Variants in ATRN observed in about 807,000 individuals in gnomAD.
ATRN encodes the protein attractin, also known as attractin-2.
A neutral mutation model predicts 178.7 loss-of-function variants in ATRN; 54 were observed. That is an observed-to-expected ratio of 0.30 (90% CI 0.24 to 0.38). The LOEUF is 0.38. Ranked by LOEUF, ATRN falls within the 10% of genes least tolerant of loss-of-function variation. The pLI is 1.00. For missense variants in ATRN, 1,443 were observed against 1,815.1 expected (o/e 0.79, Z 3.73); for synonymous variants, 636 against 663.0 (o/e 0.96, Z 0.63).
chr20:3,507,021 A>G (rs2085053862), intron 1 of ATRN, among the ~76,000 whole-genome samples: 1 of 152,150 alleles, frequency 6.6e-6, no homozygotes, highest in Non-Finnish European at 1.5e-5. Flanking sequence ...AGGTTGGTGC[A>G]AAAGTAAATG....
intron 1 of ATRN, among the ~76,000 whole-genome samples, chr20:3,478,264 G>A (rs2084557699): frequency 1.3e-5 from 2 of 152,044 alleles, no homozygotes; most frequent in Admixed American, 6.6e-5. Flanking sequence ...GTTTATTGCA[G>A]CACTATTCAC....
Position 3,604,266 on chromosome 20 carries a change from A to G in ATRN, c.3801+4A>G. ...CACCTGGCCCATCAAAATTCAGGTA[A>G]GAAGAGGCTTTTGGTCTCATACCTG... On this transcript the variant is annotated splice_donor_region_variant and intron_variant, in intron 24 of 28. Transcript: ENST00000262919. 1.3e-6 allele frequency: 2 copies of G among 1,592,084 alleles called. No individual in the cohort carries two copies. The highest frequency in any genetic ancestry group is 1.4e-5 in the African/African-American group (1 of 73,616).
chr20:3,583,652 C>T (rs2086310571), intron 16 of ATRN, among the ~76,000 whole-genome samples: 1 of 151,874 alleles, frequency 6.6e-6, no homozygotes, highest in Non-Finnish European at 1.5e-5. Context: ...ACTAAAAATA[C>T]AAAAAATTAG....
At chr20:3,485,014 A>AG (rs2084671291) in intron 1 of ATRN, among the ~76,000 whole-genome samples, 1 of 151,302 alleles carries the variant, frequency 6.6e-6, no homozygotes. Context: ...AGTCTGGTAA[A>AG]CTTATTCACC....
chr20:3,607,877 A>G (rs1309901809), intron 24 of ATRN, among the ~76,000 whole-genome samples: 1 of 152,144 alleles, frequency 6.6e-6, no homozygotes, highest in East Asian at 1.9e-4. Flanking sequence ...CCTCGCCAGC[A>G]TCTGTTATTT....
chr20:3,542,835 C>T (rs1262262041), intron 3 of ATRN, among the ~76,000 whole-genome samples: 1 of 146,780 alleles, frequency 6.8e-6, no homozygotes, highest in African/African-American at 2.5e-5. Context: ...GACGGGGTCT[C>T]ACCATGTTGC....
chr20:3,604,550 A>G (rs150350066), intron 24 of ATRN, among the ~76,000 whole-genome samples: 111 of 152,390 alleles, frequency 7.3e-4, no homozygotes, highest in African/African-American at 2.5e-3. Flanking sequence ...AGCATTTGCC[A>G]TGTGAAAGCC....
intron 1 of ATRN, among the ~76,000 whole-genome samples, chr20:3,485,599 ATT>A (rs372355255): frequency 0.017 from 1,438 of 84,562 alleles, 20 homozygotes; most frequent in African/African-American, 0.059. Flanking sequence ...TTGCCAATAC[ATT>A]TTTTTGAGGT....
intron 15 of ATRN, among the ~76,000 whole-genome samples, chr20:3,579,457 G>A (rs235545): frequency 0.75 from 114,397 of 152,080 alleles, 43,468 homozygotes; most frequent in East Asian, 1. Flanking sequence ...CCGCACTCCA[G>A]CCTGGGTGAC....
chr20:3,621,412 C>T (rs571775439), intron 24 of ATRN, among the ~76,000 whole-genome samples: 10 of 152,180 alleles, frequency 6.6e-5, no homozygotes, highest in Middle Eastern at 3.4e-3. Context: ...ACTGAGCTTC[C>T]GAGTTCAGAG....
intron 3 of ATRN, among the ~76,000 whole-genome samples, chr20:3,541,381 G>A (rs914815563): frequency 2.0e-5 from 3 of 149,676 alleles, no homozygotes; most frequent in Middle Eastern, 3.5e-3. Context: ...CCGGCCTAGA[G>A]GATTTTAAGA....
chr20:3,614,685 A>G (rs546855221), intron 24 of ATRN, among the ~76,000 whole-genome samples: 1 of 152,260 alleles, frequency 6.6e-6, no homozygotes, highest in South Asian at 2.1e-4. Context: ...TAAAGTACAC[A>G]ATTCAGTGGT....
At chr20:3,497,028 A>G (rs1039280754) in intron 1 of ATRN, among the ~76,000 whole-genome samples, 7 of 151,908 alleles carry the variant, frequency 4.6e-5, no homozygotes, top group Admixed American at 2.6e-4. Context: ...ATCTTCCACC[A>G]TCCTTTTATT....
In ATRN at chr20:3,647,975, T is replaced by G. The variant is rs915671173; in HGVS notation, c.*1128T>G. 2 of 152,224 alleles carry G rather than the reference T, an allele frequency of 1.3e-5. No individual in the cohort carries two copies. The highest frequency in any genetic ancestry group is 2.9e-5 in the Non-Finnish European group (2 of 68,076). The allele number at this position is 152,224 out of a possible 1,614,324, so 9.4% of individuals were successfully genotyped here. A position where few individuals can be genotyped will look rare whatever the true frequency, so the allele number is the denominator to read the frequency against. ...AGGACTCATTCATGTCACGCTTCCT[T>G]GAGCAGAAAAGAGCACTGAGAGCAC... On this transcript the variant is annotated 3_prime_UTR_variant, in exon 29 of 29. Transcript: ENST00000262919.
chr20:3,504,482 C>T (rs984032857), intron 1 of ATRN, among the ~76,000 whole-genome samples: 1 of 146,918 alleles, frequency 6.8e-6, no homozygotes, highest in South Asian at 2.1e-4. Flanking sequence ...TCAACACCAG[C>T]CTGACCAACA....
At chr20:3,490,718 A>C in intron 1 of ATRN, 1 of 797,610 alleles carries the variant, frequency 1.3e-6, no homozygotes, top group Non-Finnish European at 2.3e-6. Flanking sequence ...CACAGATCTC[A>C]TTTGGGTGCT....
rs1197905832 is a variant in ATRN, at chr20:3,482,509, GATAGTTTTTCTCTAAATTGAATGAA to G, written c.410+10994_410+11018del. Among the ~76,000 whole-genome samples, 5 of 152,072 alleles carry G rather than the reference GATAGTTTTTCTCTAAATTGAATGAA, an allele frequency of 3.3e-5. No individual in the cohort carries two copies. The South Asian group carries it at 6.2e-4, about 19-fold the overall frequency. ...CTGCAAATAACACATTTCCTGTTTG[GATAGTTTTTCTCTAAATTGAATGAA>G]AAGGCCAACCTGGCTATAATTGTCA... On this transcript the variant is annotated intron_variant, in intron 1 of 28. Coordinates refer to ENST00000262919, the MANE Select transcript of ATRN (RefSeq NM_139321.3).
chr20:3,524,594 C>G (rs996307904), intron 1 of ATRN, among the ~76,000 whole-genome samples: 3 of 152,186 alleles, frequency 2.0e-5, no homozygotes, highest in Non-Finnish European at 2.9e-5. Context: ...CTCTCCACCC[C>G]CAAGCAACAG....
chr20:3,592,529 T>C, intron 19 of ATRN: 1 of 958,380 alleles, frequency 1.0e-6, no homozygotes, highest in Non-Finnish European at 1.2e-6. Flanking sequence ...GAACTGCTTT[T>C]TTTATTCTAG....
Sources: allele counts gnomAD v4.1 joint callset (sites outside exome capture counted in the v4.1 genomes callset), GRCh38; gene constraint gnomAD v4.1.1; transcripts MANE v1.5; gene names NCBI Gene and HGNC (gene_info 2026-07-23, HGNC 2026-07-21).